Variants in MED12L observed in about 807,000 individuals in gnomAD.
MED12L encodes the protein mediator complex subunit 12L.
A neutral mutation model predicts 281.3 loss-of-function variants in MED12L; 60 were observed. The ratio of observed to expected loss-of-function variants is 0.21; its 90% confidence interval spans 0.17 to 0.26. The LOEUF (loss-of-function observed/expected upper bound fraction) is 0.26. Ranked by LOEUF, MED12L falls within the 10% of genes least tolerant of loss-of-function variation. The pLI, the probability that MED12L is intolerant of heterozygous loss-of-function variation, is 1.00. For missense variants in MED12L, 2,146 were observed against 2,680.9 expected, an observed-to-expected ratio of 0.80 and a Z score of 4.41; for synonymous variants, 974 against 987.2, an observed-to-expected ratio of 0.99 and a Z score of 0.25.
chr3:151,328,643 G>A (rs1356533560), intron 16 of MED12L: 2 of 1,613,840 alleles, frequency 1.2e-6, no homozygotes, highest in Admixed American at 1.7e-5. Context: ...TCTGTCAAAG[G>A]CTATGAGCCC....
chr3:151,156,468 C>T (rs1169082683), intron 6 of MED12L, 138 bp downstream of exon 6: 2 of 770,884 alleles, frequency 2.6e-6, no homozygotes, highest in Admixed American at 3.4e-5. Context: ...ACATTTCTCA[C>T]ATCGAATTGT....
chr3:151,332,688 A>G (rs1750483907), intron 16 of MED12L, among the ~76,000 whole-genome samples: 1 of 152,180 alleles, frequency 6.6e-6, no homozygotes, highest in Non-Finnish European at 1.5e-5. Flanking sequence ...ACATTTATTT[A>G]TGTATTGGAT....
chr3:151,271,646 A>G (rs555419527), intron 16 of MED12L, among the ~76,000 whole-genome samples: 2 of 152,206 alleles, frequency 1.3e-5, no homozygotes, highest in African/African-American at 2.4e-5. Context: ...ATTGTGGTAT[A>G]CTCATAGAAT....
chr3:151,259,365 C>G (rs542640515), intron 16 of MED12L, among the ~76,000 whole-genome samples: 6 of 152,178 alleles, frequency 3.9e-5, no homozygotes, highest in Non-Finnish European at 8.8e-5. Context: ...CCAGGAAATA[C>G]TTTCAGTGAG....
intron 16 of MED12L, among the ~76,000 whole-genome samples, chr3:151,276,282 A>T (rs28527299): frequency 6.6e-6 from 1 of 152,032 alleles, no homozygotes; most frequent in African/African-American, 2.4e-5. Flanking sequence ...CTCACTGGTG[A>T]TGTTGATTCA....
intron 11 of MED12L, among the ~76,000 whole-genome samples, chr3:151,172,959 T>G (rs966499977): frequency 1.3e-5 from 2 of 152,242 alleles, no homozygotes; most frequent in African/African-American, 4.8e-5. Flanking sequence ...AGTAACATAG[T>G]TGGGAAAACA....
intron 16 of MED12L, among the ~76,000 whole-genome samples, chr3:151,227,461 A>G (rs75555890): frequency 0.026 from 3,922 of 152,310 alleles, 168 homozygotes; most frequent in African/African-American, 0.089. Flanking sequence ...ATAACGTCCA[A>G]ACATAGTCTT....
intron 31 of MED12L, 88 bp downstream of exon 31, chr3:151,378,261 C>T (rs1711576756): frequency 8.0e-7 from 1 of 1,247,002 alleles, no homozygotes; most frequent in Admixed American, 3.2e-5. Context: ...GTCACTGTAC[C>T]CACAGTCCAC....
At chr3:151,373,977 A>G (rs1408900454) in intron 27 of MED12L, among the ~76,000 whole-genome samples, 1 of 152,136 alleles carries the variant, frequency 6.6e-6, no homozygotes, top group African/African-American at 2.4e-5. Flanking sequence ...ATATATCCAT[A>G]CACTTAAATA....
intron 5 of MED12L, among the ~76,000 whole-genome samples, chr3:151,144,151 A>G (rs1403038176): frequency 1.3e-5 from 2 of 152,140 alleles, no homozygotes; most frequent in Admixed American, 6.5e-5. Flanking sequence ...TGGTGGTGTG[A>G]CTGATGTGTC....
At chr3:151,260,979 A>G (rs1305984770) in intron 16 of MED12L, among the ~76,000 whole-genome samples, 2 of 151,336 alleles carry the variant, frequency 1.3e-5, no homozygotes, top group African/African-American at 4.8e-5. Context: ...GTGGATGTGT[A>G]TGGTGTCTTT....
intron 16 of MED12L, among the ~76,000 whole-genome samples, chr3:151,209,003 T>C (rs1392880044): frequency 6.6e-6 from 1 of 152,170 alleles, no homozygotes; most frequent in African/African-American, 2.4e-5. Context: ...AAACACATGA[T>C]ACAATATTTA....
chr3:151,432,801 C>A lies in MED12L; in HGVS notation c.6540C>A (p.Phe2180Leu). The change falls in exon 45 of 45, where the codon TTC becomes TTA. Residue 2180 changes from phenylalanine (F) to leucine (L), a missense_variant. Transcript: ENST00000687756. ...GVTPYGHPSH[F>L] ...CTCCGTATGGGCATCCTTCACACTT[C>A]TGAATCTGCAAGAGGAGAAGACATG... 1 of 1,612,614 alleles carries A rather than the reference C, an allele frequency of 6.2e-7. No individual in the cohort carries two copies. Among genetic ancestry groups the A allele is most frequent in the Middle Eastern group, 1.7e-4 (1 of 6,058 alleles).
At chr3:151,276,391 T>C (rs1741861209) in intron 16 of MED12L, among the ~76,000 whole-genome samples, 1 of 152,266 alleles carries the variant, frequency 6.6e-6, no homozygotes, top group Admixed American at 6.5e-5. Flanking sequence ...ACACTCCTTA[T>C]TGTCCATCAT....
chr3:151,133,314 A>C lies in MED12L; in HGVS notation c.556+5330A>C, dbSNP rs535212146. 1.8e-4 allele frequency among the ~76,000 whole-genome samples: 27 copies of C among 152,324 alleles called. 1 individual carries two copies. The South Asian group carries it at 5.4e-3, about 30-fold the overall frequency. Reference sequence around the variant, plus strand: ...CACAGCAACAAGGAGCAACACAGAGATCCTTACTGTCGTTATGCAGAGAGT... The same window carrying C: ...CACAGCAACAAGGAGCAACACAGAGCTCCTTACTGTCGTTATGCAGAGAGT... On this transcript the variant is annotated intron_variant, in intron 5 of 44. Transcript: ENST00000687756.
At chr3:151,205,324 T>G (rs1726195078) in intron 16 of MED12L, among the ~76,000 whole-genome samples, 1 of 152,200 alleles carries the variant, frequency 6.6e-6, no homozygotes, top group South Asian at 2.1e-4. Context: ...CTTATGAATA[T>G]TTCATGGATA....
intron 2 of MED12L, among the ~76,000 whole-genome samples, chr3:151,111,575 C>G (rs1711901940): frequency 6.6e-6 from 1 of 152,160 alleles, no homozygotes; most frequent in African/African-American, 2.4e-5. Flanking sequence ...CTCCATCAGT[C>G]AGTCTTAGCT....
chr3:151,103,997 A>G (rs1721701787), intron 2 of MED12L, among the ~76,000 whole-genome samples: 1 of 152,190 alleles, frequency 6.6e-6, no homozygotes, highest in Non-Finnish European at 1.5e-5. Context: ...AGGGAGTGGT[A>G]TTATTACCAT....
At chr3:151,151,893 C>G (rs1170090128) in intron 5 of MED12L, among the ~76,000 whole-genome samples, 2 of 152,012 alleles carry the variant, frequency 1.3e-5, no homozygotes, top group African/African-American at 4.8e-5. Flanking sequence ...ATTTACAAAG[C>G]CCAGTAAGGC....
Sources: gnomAD v4.1 joint callset for allele counts (sites outside exome capture counted in the v4.1 genomes callset) on GRCh38, gnomAD v4.1.1 for gene constraint, MANE v1.5 for transcripts, NCBI Gene and HGNC (gene_info 2026-07-23, HGNC 2026-07-21) for gene names.